The following PAK3 variants were observed in gnomAD, a reference collection of about 807,000 sequenced individuals.
The protein encoded by PAK3 is serine/threonine-protein kinase PAK 3.
A neutral mutation model predicts 41.0 loss-of-function variants in PAK3; 4 were observed. The ratio of observed to expected loss-of-function variants is 0.10; its 90% CI spans 0.05 to 0.22. The LOEUF (loss-of-function observed/expected upper bound fraction) is 0.22, where lower values mean the gene tolerates loss of function less well. Ranked by LOEUF, PAK3 falls within the 10% of genes least tolerant of loss-of-function variation. The pLI is 1.00. For missense variants in PAK3, 205 were observed against 409.9 expected (o/e 0.50, Z 4.32); for synonymous variants, 146 against 139.6 (o/e 1.05, Z -0.32).
intron 1 of PAK3, among the ~76,000 whole-genome samples, chrX:110,970,352 AG>A (rs2091180525): frequency 8.9e-6 from 1 of 112,015 alleles, no homozygotes; most frequent in African/African-American, 3.3e-5. Context: ...CCCATTCTGT[AG>A]GTTAGGTTGC....
At chrX:111,025,232 G>A (rs750726575) in intron 1 of PAK3, among the ~76,000 whole-genome samples, 1 of 110,753 alleles carries the variant, frequency 9.0e-6, no homozygotes, top group African/African-American at 3.3e-5. Context: ...ACACCTCACA[G>A]AACTAGAGAA....
intron 1 of PAK3, among the ~76,000 whole-genome samples, chrX:111,064,095 A>G (rs1039763318): frequency 9.0e-6 from 1 of 111,274 alleles, no homozygotes. Flanking sequence ...ACTAATATGA[A>G]CATCAGAATG....
At chrX:110,999,184 A>T (rs1243737936) in intron 1 of PAK3, among the ~76,000 whole-genome samples, 1 of 111,869 alleles carries the variant, frequency 8.9e-6, no homozygotes, top group Non-Finnish European at 1.9e-5. Context: ...CACATGCTGC[A>T]CTGGCATCCC....
At chrX:111,189,590 T>A (rs2094543664) in intron 11 of PAK3, among the ~76,000 whole-genome samples, 1 of 111,806 alleles carries the variant, frequency 8.9e-6, no homozygotes, top group Admixed American at 9.5e-5. Context: ...ACATCTGTTG[T>A]TTTTTGACTC....
At chrX:111,052,592 T>C (rs1370497659) in intron 1 of PAK3, among the ~76,000 whole-genome samples, 1 of 112,292 alleles carries the variant, frequency 8.9e-6, no homozygotes, top group Non-Finnish European at 1.9e-5. Context: ...AGTTTATAAA[T>C]GATAAAGCAG....
intron 1 of PAK3, among the ~76,000 whole-genome samples, chrX:110,950,968 T>C (rs1229515757): frequency 8.9e-6 from 1 of 111,990 alleles, no homozygotes; most frequent in Non-Finnish European, 1.9e-5. Context: ...TCAGATATTA[T>C]TGATCTTTTT....
At chrX:111,217,248 G>C (rs1217057381) in intron 17 of PAK3, among the ~76,000 whole-genome samples, 1 of 111,841 alleles carries the variant, frequency 8.9e-6, no homozygotes, top group African/African-American at 3.3e-5. Flanking sequence ...TGAATTGTCT[G>C]ACTTTCCACC....
chrX:111,089,927 C>T (rs1047756024), intron 1 of PAK3, among the ~76,000 whole-genome samples: 5 of 110,825 alleles, frequency 4.5e-5, no homozygotes, highest in Non-Finnish European at 9.4e-5. Context: ...GTTTGACTCA[C>T]CTATGTAGCG....
intron 1 of PAK3, among the ~76,000 whole-genome samples, chrX:111,004,042 T>C (rs1415304757): frequency 8.9e-6 from 1 of 112,304 alleles, no homozygotes; most frequent in Non-Finnish European, 1.9e-5. Context: ...GAGATAATGC[T>C]ATGAACTAGC....
At chrX:111,168,538 C>G (rs913922717) in intron 10 of PAK3, among the ~76,000 whole-genome samples, 1 of 111,758 alleles carries the variant, frequency 8.9e-6, no homozygotes, top group Non-Finnish European at 1.9e-5. Context: ...CTGTGAAGGG[C>G]GATGAGTGTG....
At chrX:111,019,881 A>G (rs1475461264) in intron 1 of PAK3, among the ~76,000 whole-genome samples, 1 of 110,988 alleles carries the variant, frequency 9.0e-6, no homozygotes, top group African/African-American at 3.3e-5. Flanking sequence ...TGGCCATTTT[A>G]CAAACCACAC....
chrX:111,001,887 A>T (rs938619386), intron 1 of PAK3, among the ~76,000 whole-genome samples: 1 of 110,457 alleles, frequency 9.1e-6, no homozygotes, highest in African/African-American at 3.3e-5. Context: ...GGTGACAGCA[A>T]TGTTGTTTTA....
intron 1 of PAK3, among the ~76,000 whole-genome samples, chrX:110,960,188 T>C (rs2090949625): frequency 8.9e-6 from 1 of 111,991 alleles, no homozygotes; most frequent in Non-Finnish European, 1.9e-5. Flanking sequence ...GGCACTGTTG[T>C]AAGTAAGTAC....
chrX:111,127,846 TG>T (rs2093669331), intron 5 of PAK3, among the ~76,000 whole-genome samples: 1 of 112,254 alleles, frequency 8.9e-6, no homozygotes, highest in Admixed American at 9.4e-5. Context: ...TTATCTACTT[TG>T]AATTTATGCT....
intron 5 of PAK3, among the ~76,000 whole-genome samples, chrX:111,136,141 G>A (rs2093786523): frequency 8.9e-6 from 1 of 111,936 alleles, no homozygotes; most frequent in Admixed American, 9.4e-5. Context: ...CAGTGAAGTA[G>A]AAGGAAGGTC....
intron 12 of PAK3, 54 bp from the exon 13 acceptor site, chrX:111,192,452 T>C: frequency 2.9e-6 from 2 of 679,018 alleles, no homozygotes. Flanking sequence ...AATATGAATA[T>C]TCATGTTTAT....
At chrX:110,973,113 G>A (rs1376336030) in intron 1 of PAK3, among the ~76,000 whole-genome samples, 3 of 111,865 alleles carry the variant, frequency 2.7e-5, no homozygotes, top group African/African-American at 9.8e-5. Context: ...GTGATGGGGT[G>A]AATGGAACCA....
intron 6 of PAK3, among the ~76,000 whole-genome samples, chrX:111,146,177 G>T (rs755872129): frequency 1.5e-4 from 17 of 112,068 alleles, no homozygotes; most frequent in African/African-American, 4.9e-4. Flanking sequence ...TTTTCATGAT[G>T]CCATCCTTCT....
chrX:111,148,184 C>T (rs750322231), intron 7 of PAK3, among the ~76,000 whole-genome samples: 1 of 111,819 alleles, frequency 8.9e-6, no homozygotes, highest in South Asian at 3.8e-4. Flanking sequence ...CAGTCACTTA[C>T]TGGGCTTTGT....
Sources: gnomAD v4.1 joint callset for allele counts (sites outside exome capture counted in the v4.1 genomes callset) on GRCh38, gnomAD v4.1.1 for gene constraint, MANE v1.5 for transcripts, NCBI Gene and HGNC (gene_info 2026-07-23, HGNC 2026-07-21) for gene names.